GRIP1: variants seen among roughly 807,000 people sequenced by gnomAD.
GRIP1 encodes the protein glutamate receptor-interacting protein 1.
In GRIP1, 45 loss-of-function variants were observed where a neutral mutation model predicts 129.9. The ratio of observed to expected loss-of-function variants is 0.35; its 90% CI spans 0.27 to 0.44. GRIP1 has a LOEUF of 0.44. GRIP1 is among the 20% of genes least tolerant of loss of function. The pLI, the probability that GRIP1 is intolerant of heterozygous loss-of-function variation, is 1.00. For synonymous variants in GRIP1, 530 were observed against 520.8 expected (o/e 1.02, Z -0.24); for missense variants, 1,196 against 1,396.8 (o/e 0.86, Z 2.29).
Position 66,734,096 on chromosome 12 carries a change from C to T in GRIP1, c.-420+69957G>A, listed in dbSNP as rs201049829. Among the ~76,000 whole-genome samples the T allele has an allele frequency of 3.4e-4, 51 of 152,170 alleles. No individual in the cohort carries two copies. In the South Asian group the frequency reaches 0.01, roughly 30 times the overall value. ...TTGCTTGCTTTGTAAATCCTGAGAT[C>T]GGAATGCTACGTATGTTAGGCTCTC... On this transcript the variant is annotated intron_variant, in intron 1 of 4. Coordinates refer to the GRIP1 transcript ENST00000538373.
chr12:67,053,739 G>A (rs2043384996), intron 1 of GRIP1, among the ~76,000 whole-genome samples: 1 of 151,792 alleles, frequency 6.6e-6, no homozygotes, highest in Admixed American at 6.6e-5. Context: ...TTGGGAGGCC[G>A]AGGCAGGAGA....
At chr12:66,846,944 G>C (rs2039829162) in intron 1 of GRIP1, among the ~76,000 whole-genome samples, 1 of 152,096 alleles carries the variant, frequency 6.6e-6, no homozygotes, top group Non-Finnish European at 1.5e-5. Flanking sequence ...AGTGGACTCT[G>C]GAGCATAGTG....
intron 1 of GRIP1, among the ~76,000 whole-genome samples, chr12:66,695,420 G>T (rs2035122985): frequency 6.6e-6 from 1 of 152,260 alleles, no homozygotes; most frequent in South Asian, 2.1e-4. Context: ...CACAGCACGA[G>T]CTATGGGCCA....
intron 1 of GRIP1, among the ~76,000 whole-genome samples, chr12:66,822,430 G>C (rs1405842969): frequency 1.3e-5 from 2 of 152,174 alleles, no homozygotes; most frequent in Non-Finnish European, 2.9e-5. Context: ...GCCACCATTG[G>C]AAGCAGTTTG....
At chr12:66,372,069 A>C (rs1181616749) in intron 22 of GRIP1, 142 bp from the exon 23 acceptor site, 4 of 684,566 alleles carry the variant, frequency 5.8e-6, no homozygotes, top group Non-Finnish European at 1.1e-5. Flanking sequence ...AAATGGATGT[A>C]CTAATTGAAC....
intron 1 of GRIP1, among the ~76,000 whole-genome samples, chr12:66,608,595 G>T (rs2064649190): frequency 6.6e-6 from 1 of 152,252 alleles, no homozygotes; most frequent in South Asian, 2.1e-4. Context: ...ACCTCCCAAA[G>T]TGCTGGGATT....
intron 1 of GRIP1, among the ~76,000 whole-genome samples, chr12:67,015,177 C>G (rs1283628147): frequency 1.3e-5 from 2 of 152,118 alleles, no homozygotes. Flanking sequence ...TAGAGTCCTA[C>G]TCTGATCAAG....
chr12:66,883,512 C>T (rs1251079960), intron 1 of GRIP1, among the ~76,000 whole-genome samples: 1 of 152,142 alleles, frequency 6.6e-6, no homozygotes, highest in African/African-American at 2.4e-5. Context: ...TCATGGAAGG[C>T]TGCCCCTTCT....
At chr12:66,814,752 A>AAGAG (rs779128845) in intron 1 of GRIP1, among the ~76,000 whole-genome samples, 3 of 150,832 alleles carry the variant, frequency 2.0e-5, no homozygotes, top group Non-Finnish European at 3.0e-5. Flanking sequence ...ATATTTAACA[A>AAGAG]AGAGAGAGAG....
In GRIP1 at chr12:66,556,562, G is replaced by A. The variant is rs182762170; in HGVS notation, c.137-14612C>T. ...CTGTAATGGTGGTATGCAAACTTAA[G>A]AAGAAAGACTAAATGATGAACCAAT... On this transcript the variant is annotated intron_variant, in intron 2 of 24. Coordinates refer to ENST00000359742, the MANE Select transcript of GRIP1 (RefSeq NM_001366722.1). Among the ~76,000 whole-genome samples, 3 of 151,700 alleles carry A rather than the reference G, an allele frequency of 2.0e-5. No individual in the cohort carries two copies. In the East Asian group the frequency reaches 5.8e-4, roughly 29 times the overall value.
chr12:66,377,367 G>A (rs1388400755), intron 20 of GRIP1, 82 bp from the exon 21 acceptor site: 21 of 928,716 alleles, frequency 2.3e-5, no homozygotes, highest in Non-Finnish European at 2.8e-5. Context: ...TCTCTCTGTC[G>A]CCCAGGCTGG....
intron 1 of GRIP1, among the ~76,000 whole-genome samples, chr12:66,623,372 CA>C (rs2065358741): frequency 1.3e-5 from 2 of 152,258 alleles, no homozygotes; most frequent in Admixed American, 1.3e-4. Flanking sequence ...AACAGAAGCA[CA>C]GAGACGTTAA....
chr12:66,732,951 C>T (rs1193685158), intron 1 of GRIP1, among the ~76,000 whole-genome samples: 1 of 152,070 alleles, frequency 6.6e-6, no homozygotes, highest in Admixed American at 6.6e-5. Context: ...TTGTGCTAGG[C>T]CCAAATTTTA....
intron 2 of GRIP1, among the ~76,000 whole-genome samples, chr12:66,554,883 A>G (rs2062270219): frequency 6.6e-6 from 1 of 152,142 alleles, no homozygotes; most frequent in African/African-American, 2.4e-5. Context: ...AGTAGAATAG[A>G]GCACCAGGTA....
At chr12:66,954,375 T>C (rs2041807166) in intron 1 of GRIP1, among the ~76,000 whole-genome samples, 1 of 152,302 alleles carries the variant, frequency 6.6e-6, no homozygotes, top group South Asian at 2.1e-4. Flanking sequence ...AGCTACACAG[T>C]CCTTTTGTGT....
At chr12:66,534,917 C>T (rs1017878093) in intron 4 of GRIP1, among the ~76,000 whole-genome samples, 1 of 152,148 alleles carries the variant, frequency 6.6e-6, no homozygotes, top group African/African-American at 2.4e-5. Flanking sequence ...TGGTCTCGAG[C>T]TCCTGAACTC....
intron 1 of GRIP1, among the ~76,000 whole-genome samples, chr12:66,760,337 C>G (rs996397974): frequency 6.7e-6 from 1 of 148,244 alleles, no homozygotes; most frequent in African/African-American, 2.6e-5. Flanking sequence ...GTACTAATTT[C>G]TGTATTAGTT....
intron 1 of GRIP1, among the ~76,000 whole-genome samples, chr12:66,711,058 T>C (rs763115881): frequency 6.6e-6 from 1 of 151,880 alleles, no homozygotes; most frequent in Non-Finnish European, 1.5e-5. Flanking sequence ...TCTTCATATA[T>C]GGTGATGTAA....
At chr12:66,971,565 G>A (rs1358764926) in intron 1 of GRIP1, among the ~76,000 whole-genome samples, 5 of 152,260 alleles carry the variant, frequency 3.3e-5, no homozygotes, top group Admixed American at 2.0e-4. Context: ...AAGGTATGGT[G>A]AAAAAGACAG....
Sources: allele counts gnomAD v4.1 joint callset (sites outside exome capture counted in the v4.1 genomes callset), GRCh38; gene constraint gnomAD v4.1.1; transcripts MANE v1.5; gene names NCBI Gene and HGNC (gene_info 2026-07-23, HGNC 2026-07-21).